The following CNTN5 variants were observed in gnomAD, a reference collection of about 807,000 sequenced individuals.
CNTN5 encodes the protein contactin 5.
Under a neutral mutation model 129.1 loss-of-function variants are expected in CNTN5, and 77 were observed. That is an observed-to-expected ratio of 0.60 (90% confidence interval 0.50 to 0.72). The LOEUF (loss-of-function observed/expected upper bound fraction) is 0.72. Among genes scored for constraint, CNTN5 ranks in the 30% least tolerant of loss-of-function variants. The pLI is 0.00. For synonymous variants in CNTN5, 509 were observed against 465.6 expected, an observed-to-expected ratio of 1.09 and a Z score of -1.20; for missense variants, 1,478 against 1,328.8, an observed-to-expected ratio of 1.11 and a Z score of -1.75.
chr11:99,772,280 C>T (rs894328866), intron 3 of CNTN5, among the ~76,000 whole-genome samples: 2 of 151,936 alleles, frequency 1.3e-5, no homozygotes, highest in Admixed American at 6.6e-5. Flanking sequence ...CAAACATCCA[C>T]ACCAGCTATT....
At chr11:99,924,913 C>G (rs1222582628) in intron 7 of CNTN5, among the ~76,000 whole-genome samples, 1 of 151,988 alleles carries the variant, frequency 6.6e-6, no homozygotes. Context: ...AAATTTCTGG[C>G]TCTATGAAAT....
chr11:99,184,257 C>G (rs1295901532), intron 1 of CNTN5, among the ~76,000 whole-genome samples: 1 of 152,050 alleles, frequency 6.6e-6, no homozygotes, highest in Non-Finnish European at 1.5e-5. Context: ...GCATCTCCCC[C>G]ACATACCTTT....
intron 12 of CNTN5, among the ~76,000 whole-genome samples, chr11:100,073,137 C>G (rs543385481): frequency 4.6e-5 from 7 of 152,160 alleles, no homozygotes; most frequent in African/African-American, 1.7e-4. Flanking sequence ...ACCTCCGCCT[C>G]CAGGGTTCAA....
At chr11:99,935,292 G>A (rs113052255) in intron 7 of CNTN5, among the ~76,000 whole-genome samples, 18 of 151,788 alleles carry the variant, frequency 1.2e-4, no homozygotes, top group African/African-American at 3.6e-4. Context: ...AGAATGGTAC[G>A]TAACTAAAAT....
chr11:99,686,040 A>G (rs779788061), intron 3 of CNTN5, among the ~76,000 whole-genome samples: 2 of 152,134 alleles, frequency 1.3e-5, no homozygotes, highest in Non-Finnish European at 2.9e-5. Context: ...AAGAATTTGT[A>G]CAGTGACCAT....
chr11:99,162,456 G>A (rs1389993386), intron 1 of CNTN5, among the ~76,000 whole-genome samples: 1 of 152,068 alleles, frequency 6.6e-6, no homozygotes, highest in African/African-American at 2.4e-5. Flanking sequence ...AAAATTCTGG[G>A]TCATGCTTGG....
At chr11:99,541,675 G>A (rs1565276865) in intron 2 of CNTN5, among the ~76,000 whole-genome samples, 2 of 152,142 alleles carry the variant, frequency 1.3e-5, no homozygotes, top group Non-Finnish European at 2.9e-5. Flanking sequence ...TCAGCCAGGT[G>A]CAGTGAATCA....
chr11:99,831,610 A>G (rs2135612433), intron 4 of CNTN5, among the ~76,000 whole-genome samples: 1 of 151,120 alleles, frequency 6.6e-6, no homozygotes, highest in Non-Finnish European at 1.5e-5. Context: ...GCCAGTGACC[A>G]TAACTTTTTT....
chr11:100,064,626 AG>A (rs1943623082), intron 10 of CNTN5, among the ~76,000 whole-genome samples: 1 of 152,138 alleles, frequency 6.6e-6, no homozygotes. Flanking sequence ...TCTTGATAAT[AG>A]GATTTTCATG....
At chr11:100,214,344 T>C (rs73000873) in intron 15 of CNTN5, among the ~76,000 whole-genome samples, 8,504 of 152,202 alleles carry the variant, frequency 0.056, 311 homozygotes, top group East Asian at 0.17. Context: ...AGGAGCAAAA[T>C]GGAGCTAGTC....
At chr11:100,228,809 A>G (rs774504796) in intron 16 of CNTN5, among the ~76,000 whole-genome samples, 2 of 152,154 alleles carry the variant, frequency 1.3e-5, no homozygotes, top group Non-Finnish European at 2.9e-5. Context: ...GAGGTGTACC[A>G]TGGAAGTTCA....
rs984587114 is a variant in CNTN5 at position 100,074,384 on chromosome 11, A to C, written c.1580+90A>C. 8.3e-6 allele frequency: 9 copies of C among 1,085,018 alleles called. No individual in the cohort carries two copies. The South Asian group carries it at 1.2e-4, about 14-fold the overall frequency. 67.2% of individuals were successfully genotyped at this position (1,085,018 alleles called of 1,614,324 possible). On this transcript the variant is annotated intron_variant, in intron 13 of 24. Coordinates refer to ENST00000524871, the MANE Select transcript of CNTN5 (RefSeq NM_014361.4). ...CAAACTATGCAAGAAAGAGTCTTGC[A>C]GTACCGTGAGACGTATTTTATGAAC... is the stretch of plus-strand genomic sequence containing the variant.
rs141525307 is a variant in CNTN5 at position 99,929,023 on chromosome 11, C to G, written c.673+12874C>G. 9.7e-4 allele frequency among the ~76,000 whole-genome samples: 148 copies of G among 152,268 alleles called. 1 individual carries two copies. The highest frequency in any genetic ancestry group is 2.3e-3 in the South Asian group (11 of 4,830). On this transcript the variant is annotated intron_variant, in intron 7 of 24. Coordinates refer to ENST00000524871, the MANE Select transcript of CNTN5 (RefSeq NM_014361.4). ...TTAGAAATTTCTTCTGCCAGGTGCC[C>G]TAAATCATCTCTCTCACGTTTAAAG...
chr11:99,935,679 T>C (rs545341404), intron 7 of CNTN5, among the ~76,000 whole-genome samples: 1 of 152,244 alleles, frequency 6.6e-6, no homozygotes, highest in South Asian at 2.1e-4. Context: ...AGAGAATCAG[T>C]ATTAAGTTTG....
chr11:99,436,142 C>T (rs925354866), intron 2 of CNTN5, among the ~76,000 whole-genome samples: 1 of 152,122 alleles, frequency 6.6e-6, no homozygotes, highest in Non-Finnish European at 1.5e-5. Flanking sequence ...GAGTGAGAGA[C>T]ACCTGATTTG....
At chr11:99,893,376 C>A (rs1949115849) in intron 6 of CNTN5, among the ~76,000 whole-genome samples, 1 of 152,102 alleles carries the variant, frequency 6.6e-6, no homozygotes, top group South Asian at 2.1e-4. Context: ...ACTACCACAT[C>A]ATGAAAGATT....
chr11:99,559,315 T>C (rs1434854083), intron 3 of CNTN5, among the ~76,000 whole-genome samples: 2 of 152,100 alleles, frequency 1.3e-5, no homozygotes, highest in Non-Finnish European at 2.9e-5. Flanking sequence ...CCATATTTCC[T>C]TTATTTATTC....
rs1337269098 is a variant in CNTN5, at chr11:99,155,298, GTTTCAC to G, written c.-210+134034_-210+134039del. ...CATTTAAAACATTTTTAAAAATCTA[GTTTCAC>G]TTTCAGTCTTATCACTTTTAATTTC... On this transcript the variant is annotated intron_variant, in intron 1 of 24. Coordinates refer to ENST00000524871, the MANE Select transcript of CNTN5 (RefSeq NM_014361.4). 6.6e-5 allele frequency among the ~76,000 whole-genome samples: 10 copies of G among 152,254 alleles called. No homozygotes were observed. In the South Asian group the frequency reaches 1.9e-3, roughly 28 times the overall value.
chr11:100,251,624 T>C (rs1949965114), intron 16 of CNTN5, among the ~76,000 whole-genome samples: 1 of 152,098 alleles, frequency 6.6e-6, no homozygotes, highest in African/African-American at 2.4e-5. Context: ...TCTACTTCTA[T>C]GAGATCCTTT....
Sources: gnomAD v4.1 joint callset for allele counts (sites outside exome capture counted in the v4.1 genomes callset) on GRCh38, gnomAD v4.1.1 for gene constraint, MANE v1.5 for transcripts, NCBI Gene and HGNC (gene_info 2026-07-23, HGNC 2026-07-21) for gene names.